The following USPL1 variants were observed in gnomAD, a reference collection of about 807,000 sequenced individuals.
The protein encoded by USPL1 is SUMO-specific isopeptidase USPL1.
In USPL1, 27 loss-of-function variants were observed where a neutral mutation model predicts 51.5. The ratio of observed to expected loss-of-function variants is 0.52; its 90% CI spans 0.39 to 0.72. The LOEUF is 0.72. Ranked by LOEUF, USPL1 falls within the 30% of genes least tolerant of loss-of-function variation. The probability of loss-of-function intolerance (pLI) is 0.00; values close to 1 mark genes in which losing one functional copy is unlikely to be tolerated. For synonymous variants in USPL1, 451 were observed against 459.6 expected (o/e 0.98, Z 0.24); for missense variants, 1,226 against 1,268.0 (o/e 0.97, Z 0.50).
intron 3 of USPL1, among the ~76,000 whole-genome samples, chr13:30,629,628 G>A (rs1441622873): frequency 6.6e-6 from 1 of 152,196 alleles, no homozygotes; most frequent in Non-Finnish European, 1.5e-5. Flanking sequence ...CTAGCTGGAA[G>A]TTGAGTTCAA....
rs1489821484 is a variant in USPL1 at position 30,659,676 on chromosome 13, T to A, written c.*320T>A. The A allele has an allele frequency of 4.8e-6, 1 of 209,430 alleles. No homozygotes were observed. The highest frequency in any genetic ancestry group is 9.4e-6 in the Non-Finnish European group (1 of 106,546). The allele number at this position is 209,430 out of a possible 1,614,324, so 13.0% of individuals were successfully genotyped here. The stretch of plus-strand genomic sequence containing the variant: ...GCATTACATTTTTAGATTTGAAGTT[T>A]TGGTTATGTTAGTGTTATGAGTGAT... On this transcript the variant is annotated 3_prime_UTR_variant, in exon 9 of 9. Transcript: ENST00000255304.
intron 3 of USPL1, among the ~76,000 whole-genome samples, chr13:30,625,581 G>C (rs1950704591): frequency 6.6e-6 from 1 of 151,704 alleles, no homozygotes; most frequent in Non-Finnish European, 1.5e-5. Context: ...CAGTAGGTGA[G>C]ATTACAGGCA....
rs377641739 is a variant in USPL1 at position 30,659,330 on chromosome 13, G to A, written c.3253G>A (p.Asp1085Asn). 3.7e-5 allele frequency: 59 copies of A among 1,598,576 alleles called. No individual in the cohort carries two copies. The highest frequency in any genetic ancestry group is 2.7e-4 in the African/African-American group (20 of 74,000). Residue 1085 changes from aspartate (D) to asparagine (N), a missense_variant, in exon 9 of 9, where the codon GAT becomes AAT. Asp to Asn is a conservative substitution (Grantham distance 23, BLOSUM62 1). Coordinates refer to ENST00000255304, the MANE Select transcript of USPL1 (RefSeq NM_005800.5). ...ANDTLDLPHFDEYLFENY is the reference protein window; with the variant it reads ...ANDTLDLPHFNEYLFENY ...TGACACATTAGACCTACCTCATTTC[G>A]ATGAATATCTGTTTGAGAATTATTG...
At chr13:30,624,534 G>A (rs1351206466) in intron 3 of USPL1, among the ~76,000 whole-genome samples, 2 of 152,110 alleles carry the variant, frequency 1.3e-5, no homozygotes, top group Non-Finnish European at 2.9e-5. Context: ...CGGGTGCACG[G>A]CACCATGCCC....
Position 30,621,059 on chromosome 13 carries a change from C to A in USPL1, c.-68-14C>A. ...GAATTTTTATTTAATTGTCTATTGA[C>A]TTTTTTTTTCCAGGGTTCATTGAAA... is the stretch of plus-strand genomic sequence containing the variant. On this transcript the variant is annotated splice_polypyrimidine_tract_variant and intron_variant, in intron 1 of 8. Coordinates refer to ENST00000255304, the MANE Select transcript of USPL1 (RefSeq NM_005800.5). 1 of 1,130,666 alleles carries A rather than the reference C, an allele frequency of 8.8e-7. No individual in the cohort carries two copies. Among genetic ancestry groups the A allele is most frequent in the South Asian group, 1.5e-5 (1 of 68,504 alleles). The allele number at this position is 1,130,666 out of a possible 1,614,324, so 70.0% of individuals were successfully genotyped here.
chr13:30,626,424 T>TA (rs1261746093), intron 3 of USPL1, among the ~76,000 whole-genome samples: 1 of 152,228 alleles, frequency 6.6e-6, no homozygotes. Flanking sequence ...AATAAAGTTT[T>TA]ACCGGAACAT....
At chr13:30,651,851 G>C (rs1002546883) in intron 7 of USPL1, among the ~76,000 whole-genome samples, 1 of 152,116 alleles carries the variant, frequency 6.6e-6, no homozygotes, top group African/African-American at 2.4e-5. Context: ...AGCTCCTCAG[G>C]AGGCTGTGGT....
chr13:30,646,180 C>G (rs1385464845), intron 6 of USPL1, among the ~76,000 whole-genome samples: 1 of 152,134 alleles, frequency 6.6e-6, no homozygotes, highest in East Asian at 1.9e-4. Flanking sequence ...AGTAGCTGCT[C>G]TTTAAATTAC....
At chr13:30,646,826 A>G (rs1044898914) in intron 6 of USPL1, 106 bp from the exon 7 acceptor site, 19 of 1,256,624 alleles carry the variant, frequency 1.5e-5, no homozygotes, top group Non-Finnish European at 2.1e-5. Flanking sequence ...TTGGGGAAAT[A>G]AGAAAGTATG....
intron 6 of USPL1, 116 bp from the exon 7 acceptor site, chr13:30,646,816 T>C: frequency 8.7e-7 from 1 of 1,146,224 alleles, no homozygotes; most frequent in Non-Finnish European, 1.2e-6. Context: ...TTAACATGAT[T>C]TGGGGAAATA....
chr13:30,648,598 C>T (rs1951048473), intron 7 of USPL1, among the ~76,000 whole-genome samples: 1 of 152,184 alleles, frequency 6.6e-6, no homozygotes, highest in African/African-American at 2.4e-5. Context: ...CTCATGTCTT[C>T]ACTTTGCCCG....
In USPL1 at chr13:30,657,463, C is replaced by T; in HGVS notation, c.1397-11C>T. On this transcript the variant is annotated splice_polypyrimidine_tract_variant and intron_variant, in intron 8 of 8. Coordinates refer to ENST00000255304, the MANE Select transcript of USPL1 (RefSeq NM_005800.5). Reference sequence around the variant, plus strand: ...TGAATATCTAACTTTCACTTCTTTCCCATCTTCCAGGAAGTTGGCTGGAAT... The same window carrying T: ...TGAATATCTAACTTTCACTTCTTTCTCATCTTCCAGGAAGTTGGCTGGAAT... 6.4e-7 allele frequency: 1 copy of T among 1,564,524 alleles called. No homozygotes were observed.
At position 30,642,762 on chromosome 13, in the gene USPL1, G is replaced by A; in HGVS notation, c.1112+5G>A. On this transcript the variant is annotated splice_donor_5th_base_variant and intron_variant, in intron 6 of 8. Transcript: ENST00000255304. Reference sequence around the variant, plus strand: ...TGGACACCAATATCAAAACAGGTTAGTTTCTTTTGTTTTTTAAAATGGGTT... The same window carrying A: ...TGGACACCAATATCAAAACAGGTTAATTTCTTTTGTTTTTTAAAATGGGTT... 1 of 1,604,410 alleles carries A rather than the reference G, an allele frequency of 6.2e-7. No homozygotes were observed. Among genetic ancestry groups the A allele is most frequent in the African/African-American group, 1.3e-5 (1 of 74,124 alleles).
chr13:30,645,601 A>G (rs1319234776), intron 6 of USPL1, among the ~76,000 whole-genome samples: 1 of 152,234 alleles, frequency 6.6e-6, no homozygotes, highest in Admixed American at 6.5e-5. Context: ...ATGTTTTAAT[A>G]TGTCATAACT....
intron 8 of USPL1, 139 bp from the exon 9 acceptor site, chr13:30,657,335 T>C (rs1951177257): frequency 3.5e-6 from 3 of 860,692 alleles, no homozygotes; most frequent in African/African-American, 3.4e-5. Flanking sequence ...CAGACAATGG[T>C]GACAAGGTCA....
chr13:30,620,345 C>G (rs1950631014), intron 1 of USPL1, among the ~76,000 whole-genome samples: 3 of 152,256 alleles, frequency 2.0e-5, no homozygotes, highest in South Asian at 4.1e-4. Flanking sequence ...CATTGTGAAC[C>G]CACAATTAAA....
chr13:30,651,752 G>C (rs749983674), intron 7 of USPL1, among the ~76,000 whole-genome samples: 1 of 152,192 alleles, frequency 6.6e-6, no homozygotes, highest in Non-Finnish European at 1.5e-5. Flanking sequence ...CTTGAAGTCA[G>C]CAGTTCGAGA....
At chr13:30,633,772 G>A (rs1300289443) in intron 4 of USPL1, among the ~76,000 whole-genome samples, 1 of 131,252 alleles carries the variant, frequency 7.6e-6, no homozygotes, top group East Asian at 2.3e-4. Context: ...GTGATAGAAT[G>A]AGACTCTGTC....
Position 30,659,582 on chromosome 13 carries a change from A to G in USPL1, c.*226A>G, listed in dbSNP as rs1951228515. ...TTTGGTTTCATTTTGTTCTTGTGAGAGTATGAGGATTTCAAAATGTTAAAG... is the reference window on the plus strand; with the variant it reads ...TTTGGTTTCATTTTGTTCTTGTGAGGGTATGAGGATTTCAAAATGTTAAAG... On this transcript the variant is annotated 3_prime_UTR_variant, in exon 9 of 9. Transcript: ENST00000255304. 1 of 421,650 alleles carries G rather than the reference A, an allele frequency of 2.4e-6. No individual in the cohort carries two copies. Among genetic ancestry groups the G allele is most frequent in the Non-Finnish European group, 4.1e-6 (1 of 243,514 alleles). 26.1% of individuals were successfully genotyped at this position (421,650 alleles called of 1,614,324 possible). A position where few individuals can be genotyped will look rare whatever the true frequency, so the allele number is the denominator to read the frequency against.
Sources: allele counts gnomAD v4.1 joint callset (sites outside exome capture counted in the v4.1 genomes callset), GRCh38; gene constraint gnomAD v4.1.1; transcripts MANE v1.5; gene names NCBI Gene and HGNC (gene_info 2026-07-23, HGNC 2026-07-21).